USP26: variants seen among roughly 807,000 people sequenced by gnomAD.
The protein encoded by USP26 is ubiquitin specific peptidase 26, also known as ubiquitin carboxyl-terminal hydrolase 26.
For synonymous variants in USP26, 236 were observed against 240.6 expected, an observed-to-expected ratio of 0.98 and a Z score of 0.18; for missense variants, 649 against 642.3, an observed-to-expected ratio of 1.01 and a Z score of -0.11.
chrX:133,083,272 C>A (rs957915408), intron 5 of USP26, among the ~76,000 whole-genome samples: 1 of 112,188 alleles, frequency 8.9e-6, no homozygotes, highest in African/African-American at 3.2e-5. Flanking sequence ...AGCTAACATA[C>A]ATGTGCAAAT....
At position 133,027,786 on chromosome X, in the gene USP26, C is replaced by A. The variant is rs746915101; in HGVS notation, c.435G>T (p.Glu145Asp). 8.3e-7 allele frequency: 1 copy of A among 1,208,276 alleles called. No individual in the cohort carries two copies. The highest frequency in any genetic ancestry group is 1.1e-6 in the Non-Finnish European group (1 of 894,036). ...CACCTGTCCCACTTCCTTTTGCTAT[C>A]TCAAAAGATTTGCTACTTGATTTCT... ...VDEKSSSKSF[E>D]IAKGSGTGVL... is the part of the protein sequence containing the mutation. The change falls in exon 6 of 6, where the codon GAG becomes GAT. Residue 145 changes from glutamate (E) to aspartate (D), a missense_variant. Coordinates refer to ENST00000511190, the MANE Select transcript of USP26 (RefSeq NM_031907.3).
At chrX:133,047,911 C>A (rs1391344395) in intron 5 of USP26, among the ~76,000 whole-genome samples, 3 of 111,783 alleles carry the variant, frequency 2.7e-5, no homozygotes, top group Non-Finnish European at 5.6e-5. Flanking sequence ...TACAAGCCAC[C>A]CAGTTTGTGA....
chrX:133,063,591 A>AGG (rs2067501022), intron 5 of USP26, among the ~76,000 whole-genome samples: 2 of 111,633 alleles, frequency 1.8e-5, no homozygotes, highest in Non-Finnish European at 3.8e-5. Context: ...ACTTAAATAA[A>AGG]AGAATTTTCA....
At chrX:133,059,637 T>A (rs2067488382) in intron 5 of USP26, among the ~76,000 whole-genome samples, 1 of 109,190 alleles carries the variant, frequency 9.2e-6, no homozygotes, top group Admixed American at 1.0e-4. Flanking sequence ...TCGCTCTAGG[T>A]ACAAAACAGT....
At chrX:133,049,465 G>T (rs1409857380) in intron 5 of USP26, among the ~76,000 whole-genome samples, 1 of 111,921 alleles carries the variant, frequency 8.9e-6, no homozygotes, top group Non-Finnish European at 1.9e-5. Context: ...ATTTCCATTT[G>T]TGTCTTCTGG....
intron 5 of USP26, among the ~76,000 whole-genome samples, chrX:133,048,548 ATTT>A (rs1323116294): frequency 1.1e-5 from 1 of 87,279 alleles, no homozygotes. Flanking sequence ...GAACAGTTGC[ATTT>A]TTTTTTTTTT....
In USP26 at chrX:133,075,691, G is replaced by GA. The variant is rs957895880; in HGVS notation, c.-77+8015dup. 1.5e-4 allele frequency among the ~76,000 whole-genome samples: 16 copies of GA among 109,656 alleles called. No homozygotes were observed. The East Asian group carries it at 4.3e-3, about 30-fold the overall frequency. ...AGTTATAGGAGGAGGTAAAAAATAA[G>GA]AAAAAAAAATATGTCAGACAGGTTG... On this transcript the variant is annotated intron_variant, in intron 5 of 5. Coordinates refer to ENST00000511190, the MANE Select transcript of USP26 (RefSeq NM_031907.3).
chrX:133,068,508 A>G (rs2067519875), intron 5 of USP26, among the ~76,000 whole-genome samples: 1 of 112,974 alleles, frequency 8.9e-6, no homozygotes, highest in Non-Finnish European at 1.9e-5. Context: ...TCTAAATTCT[A>G]AGACGAAGCT....
At chrX:133,085,926 A>G (rs1337460266) in intron 4 of USP26, among the ~76,000 whole-genome samples, 1 of 110,960 alleles carries the variant, frequency 9.0e-6, no homozygotes, top group Non-Finnish European at 1.9e-5. Flanking sequence ...TCCCACATCC[A>G]GAAGATGTGT....
At position 133,063,281 on chromosome X, in the gene USP26, T is replaced by C. The variant is rs1291161759; in HGVS notation, c.-77+20426A>G. ...GGGTACCTGAAAGTGATGGGGAGAA[T>C]GGAACCAAGTTGGAAAACACACTTC... On this transcript the variant is annotated intron_variant, in intron 5 of 5. Transcript: ENST00000511190. Among the ~76,000 whole-genome samples, 4 of 111,132 alleles carry C rather than the reference T, an allele frequency of 3.6e-5. No individual in the cohort carries two copies. In the East Asian group the frequency reaches 1.1e-3, roughly 32 times the overall value.
chrX:133,048,076 CCT>C (rs1408701894), intron 5 of USP26, among the ~76,000 whole-genome samples: 1 of 111,486 alleles, frequency 9.0e-6, no homozygotes, highest in Non-Finnish European at 1.9e-5. Flanking sequence ...TCAATTCCCC[CCT>C]CTCACTAAGC....
chrX:133,041,605 A>G lies in USP26; in HGVS notation c.-76-13309T>C, dbSNP rs1442532209. Reference sequence around the variant, plus strand: ...GGTGCACCAGCCTGATGCCAGCTGGAATTCTCCTGTATGAGGTGTCTGTCA... The same window carrying G: ...GGTGCACCAGCCTGATGCCAGCTGGGATTCTCCTGTATGAGGTGTCTGTCA... On this transcript the variant is annotated intron_variant, in intron 5 of 5. Coordinates refer to ENST00000511190, the MANE Select transcript of USP26 (RefSeq NM_031907.3). 3.6e-5 allele frequency among the ~76,000 whole-genome samples: 4 copies of G among 111,913 alleles called. No individual in the cohort carries two copies. In the Admixed American group the frequency reaches 3.8e-4, roughly 11 times the overall value.
intron 5 of USP26, among the ~76,000 whole-genome samples, chrX:133,038,416 A>G (rs1230941771): frequency 8.9e-6 from 1 of 111,897 alleles, no homozygotes; most frequent in African/African-American, 3.3e-5. Context: ...GCATCCATTG[A>G]GATAATCATG....
At chrX:133,064,611 G>T (rs1461052851) in intron 5 of USP26, among the ~76,000 whole-genome samples, 2 of 111,795 alleles carry the variant, frequency 1.8e-5, no homozygotes, top group African/African-American at 3.3e-5. Context: ...TGAACAATCT[G>T]CTCCTGAATG....
chrX:133,084,805 T>C (rs749354835), intron 4 of USP26, among the ~76,000 whole-genome samples: 15 of 111,689 alleles, frequency 1.3e-4, no homozygotes, highest in Non-Finnish European at 2.6e-4. Context: ...AATAAGTTCT[T>C]TAGTGGTGAT....
At chrX:133,068,224 G>C (rs1325994946) in intron 5 of USP26, among the ~76,000 whole-genome samples, 4 of 111,456 alleles carry the variant, frequency 3.6e-5, no homozygotes, top group Non-Finnish European at 7.5e-5. Flanking sequence ...ACACAAAGAA[G>C]AGAACAATAG....
Position 133,025,876 on chromosome X carries a change from T to C in USP26, c.2345A>G (p.Lys782Arg). 8.3e-7 allele frequency: 1 copy of C among 1,211,211 alleles called. No homozygotes were observed. The change falls in exon 6 of 6, where the codon AAG becomes AGG. Residue 782 changes from lysine to arginine, a missense_variant. Physicochemically the swap from Lys to Arg is conservative, Grantham distance 26 (BLOSUM62 2). Transcript: ENST00000511190. ...LLRPTKLNLQ[K>R]SNRNSLLALG... ...TGCAAGTAGGGAATTCCTGTTAGACTTCTGTAGATTTAATTTTGTAGGTCT... is the reference window on the plus strand; with the variant it reads ...TGCAAGTAGGGAATTCCTGTTAGACCTCTGTAGATTTAATTTTGTAGGTCT...
chrX:133,095,664 A>G (rs2067626924), intron 1 of USP26, among the ~76,000 whole-genome samples: 1 of 112,107 alleles, frequency 8.9e-6, no homozygotes, highest in Non-Finnish European at 1.9e-5. Context: ...ACAGTGGCAC[A>G]GACGCAGCTC....
intron 5 of USP26, among the ~76,000 whole-genome samples, chrX:133,064,797 C>A (rs774309708): frequency 9.0e-6 from 1 of 111,464 alleles, no homozygotes; most frequent in Admixed American, 9.5e-5. Flanking sequence ...AAGTGACACC[C>A]TAACATCACA....
Sources: allele counts gnomAD v4.1 joint callset (sites outside exome capture counted in the v4.1 genomes callset), GRCh38; gene constraint gnomAD v4.1.1; transcripts MANE v1.5; gene names NCBI Gene and HGNC (gene_info 2026-07-23, HGNC 2026-07-21).